PIK3AP1: variants seen among roughly 807,000 people sequenced by gnomAD.
The protein encoded by PIK3AP1 is phosphoinositide 3-kinase adapter protein 1.
Under a neutral mutation model 88.1 loss-of-function variants are expected in PIK3AP1, and 21 were observed. That is an observed-to-expected ratio of 0.24 (90% CI 0.17 to 0.34). The LOEUF (loss-of-function observed/expected upper bound fraction) is 0.34. Ranked by LOEUF, PIK3AP1 falls within the 10% of genes least tolerant of loss-of-function variation. The probability of loss-of-function intolerance (pLI) is 1.00; values close to 1 mark genes in which losing one functional copy is unlikely to be tolerated. For missense variants in PIK3AP1, 828 were observed against 1,035.7 expected (o/e 0.80, Z 2.75); for synonymous variants, 398 against 400.0 (o/e 1.00, Z 0.06).
At chr10:96,625,151 C>T (rs1186761269) in intron 10 of PIK3AP1, among the ~76,000 whole-genome samples, 1 of 152,154 alleles carries the variant, frequency 6.6e-6, no homozygotes, top group Non-Finnish European at 1.5e-5. Flanking sequence ...AATTCTCCCA[C>T]CGGAGGATGC....
intron 2 of PIK3AP1, among the ~76,000 whole-genome samples, chr10:96,686,358 C>A (rs1468366307): frequency 6.6e-6 from 1 of 152,146 alleles, no homozygotes; most frequent in African/African-American, 2.4e-5. Flanking sequence ...AATATGTGGG[C>A]CCTGCTCCTA....
chr10:96,641,127 G>GCA (rs58402647), intron 8 of PIK3AP1, among the ~76,000 whole-genome samples: 9,914 of 147,444 alleles, frequency 0.067, 496 homozygotes, highest in Middle Eastern at 0.1. Context: ...GTGTGTGTGC[G>GCA]TGTGCATGTA....
chr10:96,617,448 G>T (rs935678082), intron 12 of PIK3AP1, among the ~76,000 whole-genome samples: 2 of 152,276 alleles, frequency 1.3e-5, no homozygotes, highest in East Asian at 3.9e-4. Context: ...AACTGGAAAG[G>T]GGGGTTGGTC....
chr10:96,683,961 G>C (rs1272431786), intron 2 of PIK3AP1, among the ~76,000 whole-genome samples: 1 of 152,186 alleles, frequency 6.6e-6, no homozygotes, highest in East Asian at 1.9e-4. Context: ...ACTTGAATTA[G>C]ACTGATGGCT....
rs532453060 is a variant in PIK3AP1, at chr10:96,632,895, C to A, written c.1376-4402G>T. On this transcript the variant is annotated intron_variant, in intron 8 of 16. Coordinates refer to ENST00000339364, the MANE Select transcript of PIK3AP1 (RefSeq NM_152309.3). ...TCGAACATTCAGACTCACAAGATGA[C>A]CCTGGGACATGCTTGGCACCAGTCC... 9.9e-5 allele frequency: 159 copies of A among 1,612,424 alleles called. 1 individual carries two copies. The Middle Eastern group carries it at 2.3e-3, about 23-fold the overall frequency.
Position 96,652,841 on chromosome 10 carries a change from G to T in PIK3AP1, c.569C>A (p.Ala190Glu). The T allele has an allele frequency of 6.2e-7, 1 of 1,612,748 alleles. No homozygotes were observed. The highest frequency in any genetic ancestry group is 8.5e-7 in the Non-Finnish European group (1 of 1,179,854). The change falls in exon 4 of 17, where the codon GCA (alanine) becomes GAA (glutamate). Residue 190 changes from alanine (A) to glutamate (E), a missense_variant and splice_region_variant. This residue lies in a region of PIK3AP1 where 610 missense variants were observed against 760.1 expected (regional missense o/e 0.80). Coordinates refer to ENST00000339364, the MANE Select transcript of PIK3AP1 (RefSeq NM_152309.3). ...CACAATAACATAGACAGTGGTTTCT[G>T]CCTGAAACGGGAAGCCGGTCATTGT... ...VVQPDRIRCG[A>E]ETTVYVIVRC...
chr10:96,709,131 C>CA (rs113424134), intron 2 of PIK3AP1, among the ~76,000 whole-genome samples: 41,258 of 79,006 alleles, frequency 0.52, 9,123 homozygotes, highest in Middle Eastern at 0.6. Context: ...GACTCCGACT[C>CA]AAAAAAAAAA....
At chr10:96,613,841 G>C (rs939022311) in intron 13 of PIK3AP1, among the ~76,000 whole-genome samples, 9 of 152,146 alleles carry the variant, frequency 5.9e-5, no homozygotes, top group Admixed American at 5.9e-4. Context: ...CCAGGTGCCA[G>C]GCACTGTGCT....
At chr10:96,658,648 T>A (rs1405015576) in intron 2 of PIK3AP1, among the ~76,000 whole-genome samples, 3 of 152,158 alleles carry the variant, frequency 2.0e-5, no homozygotes, top group Non-Finnish European at 4.4e-5. Context: ...ATCTGACTGC[T>A]GAATGTCTAT....
intron 8 of PIK3AP1, among the ~76,000 whole-genome samples, chr10:96,639,481 A>AG (rs2134221441): frequency 6.6e-6 from 1 of 152,300 alleles, no homozygotes; most frequent in South Asian, 2.1e-4. Context: ...GCAGGTTCAG[A>AG]GGGGAGCAAG....
intron 2 of PIK3AP1, among the ~76,000 whole-genome samples, chr10:96,663,088 C>A (rs1185027995): frequency 6.6e-6 from 1 of 151,732 alleles, no homozygotes; most frequent in Non-Finnish European, 1.5e-5. Flanking sequence ...CCAGGACAGG[C>A]AAATCTATAG....
intron 2 of PIK3AP1, among the ~76,000 whole-genome samples, chr10:96,670,111 G>C (rs1444016123): frequency 6.8e-6 from 1 of 146,858 alleles, no homozygotes; most frequent in African/African-American, 2.6e-5. Context: ...GGAGGTGGAG[G>C]TTGCGCCACT....
At chr10:96,667,511 C>A (rs1249777033) in intron 2 of PIK3AP1, among the ~76,000 whole-genome samples, 1 of 152,128 alleles carries the variant, frequency 6.6e-6, no homozygotes, top group Non-Finnish European at 1.5e-5. Context: ...CATTTTACAG[C>A]CAAAATCTAA....
chr10:96,596,962 A>G (rs1292282485), intron 16 of PIK3AP1, among the ~76,000 whole-genome samples: 2 of 152,234 alleles, frequency 1.3e-5, no homozygotes, highest in Non-Finnish European at 2.9e-5. Context: ...TAGGTCAAGG[A>G]AATGACAACT....
intron 2 of PIK3AP1, among the ~76,000 whole-genome samples, chr10:96,683,968 G>A (rs768712747): frequency 1.5e-4 from 23 of 152,278 alleles, no homozygotes; most frequent in Non-Finnish European, 3.2e-4. Context: ...TTAGACTGAT[G>A]GCTAACAGTC....
chr10:96,671,631 GTTAA>G (rs910958464), intron 2 of PIK3AP1, among the ~76,000 whole-genome samples: 3 of 152,146 alleles, frequency 2.0e-5, no homozygotes, highest in African/African-American at 7.2e-5. Context: ...GTTAGTGTGA[GTTAA>G]TTAAAGTGAC....
At chr10:96,701,565 G>C (rs572056160) in intron 2 of PIK3AP1, among the ~76,000 whole-genome samples, 11 of 152,326 alleles carry the variant, frequency 7.2e-5, no homozygotes, top group Admixed American at 6.5e-4. Context: ...ATTTCCCTGA[G>C]GGGAGGAGGG....
At chr10:96,680,513 T>C (rs113056506) in intron 2 of PIK3AP1, among the ~76,000 whole-genome samples, 3,260 of 152,286 alleles carry the variant, frequency 0.021, 52 homozygotes, top group Non-Finnish European at 0.034. Flanking sequence ...TATGTATCCA[T>C]GTGTTCTCAT....
intron 8 of PIK3AP1, chr10:96,633,312 C>G (rs907753890): frequency 3.1e-5 from 11 of 353,532 alleles, no homozygotes; most frequent in Admixed American, 4.7e-5. Context: ...GGTAACAGAG[C>G]TAGGAAGTCA....
Sources: allele counts gnomAD v4.1 joint callset (sites outside exome capture counted in the v4.1 genomes callset), GRCh38; gene constraint gnomAD v4.1.1; regional missense constraint gnomAD v4.1.1; transcripts MANE v1.5; gene names NCBI Gene and HGNC (gene_info 2026-07-23, HGNC 2026-07-21).